The following SLC39A14 variants were observed in gnomAD, a reference collection of about 807,000 sequenced individuals.
SLC39A14 encodes the protein metal cation symporter ZIP14.
SLC39A14 carries 19 observed loss-of-function variants against 45.5 expected under a neutral mutation model. The observed-to-expected ratio is 0.42, with a 90% CI of 0.29 to 0.61. The LOEUF is 0.61. Ranked by LOEUF, SLC39A14 falls within the 20% of genes least tolerant of loss-of-function variation. The pLI is 0.22. For missense variants in SLC39A14, 447 were observed against 616.5 expected (o/e 0.73, Z 2.91); for synonymous variants, 264 against 251.3 (o/e 1.05, Z -0.48).
At chr8:22,402,215 A>C (rs1434405644) in intron 1 of SLC39A14, among the ~76,000 whole-genome samples, 1 of 152,052 alleles carries the variant, frequency 6.6e-6, no homozygotes, top group Non-Finnish European at 1.5e-5. Context: ...CCCCGTCTCT[A>C]CTAAAAATAC....
chr8:22,393,185 G>T lies in SLC39A14; in HGVS notation c.-15-11511G>T, dbSNP rs548584522. On this transcript the variant is annotated intron_variant, in intron 1 of 8. Transcript: ENST00000381237. The stretch of plus-strand genomic sequence containing the variant: ...CTTTGACTGTGCCAAGGCTTGAGGC[G>T]AAGGTCCTGGGAGCAGGAGCTGGAG... 4.1e-6 allele frequency: 4 copies of T among 985,678 alleles called. No homozygotes were observed. The East Asian group carries it at 3.4e-4, about 84-fold the overall frequency. 61.1% of individuals were successfully genotyped at this position (985,678 alleles called of 1,614,324 possible).
chr8:22,376,095 C>G (rs1331014213), intron 1 of SLC39A14, among the ~76,000 whole-genome samples: 1 of 152,152 alleles, frequency 6.6e-6, no homozygotes, highest in East Asian at 1.9e-4. Flanking sequence ...GGCAGTCTCT[C>G]CCTCTTTTCT....
At chr8:22,376,880 GAAA>G (rs955630510) in intron 1 of SLC39A14, among the ~76,000 whole-genome samples, 1 of 148,542 alleles carries the variant, frequency 6.7e-6, no homozygotes, top group African/African-American at 2.5e-5. Context: ...AATGTCTGGG[GAAA>G]AAAAAAATAC....
intron 1 of SLC39A14, among the ~76,000 whole-genome samples, chr8:22,396,242 A>G (rs1834374081): frequency 6.6e-6 from 1 of 151,438 alleles, no homozygotes. Context: ...TGGTGCATGC[A>G]TGTAATTCCA....
intron 3 of SLC39A14, among the ~76,000 whole-genome samples, chr8:22,410,483 G>A (rs889947775): frequency 2.9e-5 from 4 of 139,756 alleles, no homozygotes; most frequent in Non-Finnish European, 5.9e-5. Flanking sequence ...AATCCTGGCA[G>A]TACTCAGGTC....
intron 1 of SLC39A14, among the ~76,000 whole-genome samples, chr8:22,395,645 C>A (rs1016057539): frequency 4.6e-5 from 7 of 152,116 alleles, no homozygotes; most frequent in African/African-American, 1.7e-4. Flanking sequence ...TTTTAGTAAG[C>A]CTGCATCCTC....
rs1836179765 is a variant in SLC39A14, at chr8:22,420,763, C to T, written c.*1065C>T. 1.0e-6 allele frequency: 1 copy of T among 985,262 alleles called. No individual in the cohort carries two copies. Among genetic ancestry groups the T allele is most frequent in the African/African-American group, 1.7e-5 (1 of 57,202 alleles). 61.0% of individuals were successfully genotyped at this position (985,262 alleles called of 1,614,324 possible). On this transcript the variant is annotated 3_prime_UTR_variant, in exon 9 of 9. Transcript: ENST00000381237. ...GATTTGCCGCTTCCATAAATCAAAG[C>T]ATGACTAATAGGGGGTCTCTGAAAT...
rs555212054 is a variant in SLC39A14, at chr8:22,375,986, C to T, written c.-16+8578C>T. Reference sequence around the variant, plus strand: ...AACTAAACTGCAGGCCTTATTTAAACGTCACCAATATTTTCACTAATGTCC... The same window carrying T: ...AACTAAACTGCAGGCCTTATTTAAATGTCACCAATATTTTCACTAATGTCC... On this transcript the variant is annotated intron_variant, in intron 1 of 8. Transcript: ENST00000381237. Among the ~76,000 whole-genome samples the T allele has an allele frequency of 2.0e-5, 3 of 152,274 alleles. No individual in the cohort carries two copies. The South Asian group carries it at 6.2e-4, about 32-fold the overall frequency.
rs1224907957 is a variant in SLC39A14, at chr8:22,405,622, A to G, written c.270+642A>G. Among the ~76,000 whole-genome samples, 4 of 152,158 alleles carry G rather than the reference A, an allele frequency of 2.6e-5. No homozygotes were observed. The East Asian group carries it at 7.7e-4, about 29-fold the overall frequency. On this transcript the variant is annotated intron_variant, in intron 2 of 8. Coordinates refer to ENST00000381237, the MANE Select transcript of SLC39A14 (RefSeq NM_001128431.4). Reference sequence around the variant, plus strand: ...GAAATACTGAGAAAACACGGCTCCCAGGACGGTATTTCTCATAGAGTTTAC... The same window carrying G: ...GAAATACTGAGAAAACACGGCTCCCGGGACGGTATTTCTCATAGAGTTTAC...
At chr8:22,417,998 G>A (rs535317220) in intron 8 of SLC39A14, among the ~76,000 whole-genome samples, 163 bp downstream of exon 8, 1 of 152,026 alleles carries the variant, frequency 6.6e-6, no homozygotes, top group South Asian at 2.1e-4. Flanking sequence ...CGCGTCCCGG[G>A]TTCAAGTGAT....
At position 22,421,036 on chromosome 8, in the gene SLC39A14, C is replaced by T. The variant is rs909043545; in HGVS notation, c.*1338C>T. 2 of 985,750 alleles carry T rather than the reference C, an allele frequency of 2.0e-6. No individual in the cohort carries two copies. Among genetic ancestry groups the T allele is most frequent in the African/African-American group, 3.5e-5 (2 of 57,234 alleles). The allele number at this position is 985,750 out of a possible 1,614,324, so 61.1% of individuals were successfully genotyped here. A position where few individuals can be genotyped will look rare whatever the true frequency, so the allele number is the denominator to read the frequency against. On this transcript the variant is annotated 3_prime_UTR_variant, in exon 9 of 9. Coordinates refer to ENST00000381237, the MANE Select transcript of SLC39A14 (RefSeq NM_001128431.4). ...AGCCCTTGCCTCCGAGCTCTGGCTT[C>T]AAGGGGAGCTCTTCTCCAGGTTCAC... is the stretch of plus-strand genomic sequence containing the variant.
At chr8:22,409,909 G>C in intron 3 of SLC39A14, 8 of 1,611,548 alleles carry the variant, frequency 5.0e-6, no homozygotes, top group Non-Finnish European at 6.8e-6. Context: ...CCCACCCTCA[G>C]TAATAGAGGC....
chr8:22,419,471 T>TATA (rs1836095258), intron 8 of SLC39A14, 81 bp from the exon 9 acceptor site: 1 of 1,390,932 alleles, frequency 7.2e-7, no homozygotes, highest in South Asian at 1.3e-5. Flanking sequence ...CAACCTGATC[T>TATA]ATATCTCCAT....
At position 22,433,331 on chromosome 8, in the gene SLC39A14, A is replaced by G. The variant is rs143118263; in HGVS notation, c.1333-560A>G. 1.9e-3 allele frequency among the ~76,000 whole-genome samples: 296 copies of G among 152,114 alleles called. 1 individual carries two copies. Among genetic ancestry groups the G allele is most frequent in the Non-Finnish European group, 3.4e-3 (232 of 68,020 alleles). On this transcript the variant is annotated intron_variant, in intron 8 of 8. Coordinates refer to the SLC39A14 transcript ENST00000240095. ...TAATTCATACTTGTTGAATGAGTAT[A>G]TTAATATTTTCTTGAGGTCTTTTAT...
chr8:22,405,604 T>C (rs531850580), intron 2 of SLC39A14, among the ~76,000 whole-genome samples: 4 of 152,290 alleles, frequency 2.6e-5, no homozygotes, highest in African/African-American at 4.8e-5. Context: ...TCAGAAATAC[T>C]GAGAAAACAC....
chr8:22,415,835 G>A lies in SLC39A14; in HGVS notation c.817G>A (p.Val273Met), dbSNP rs1299449593. 1 of 1,613,772 alleles carries A rather than the reference G, an allele frequency of 6.2e-7. No individual in the cohort carries two copies. The highest frequency in any genetic ancestry group is 8.5e-7 in the Non-Finnish European group (1 of 1,179,916). Residue 273 changes from valine to methionine, a missense_variant, in exon 6 of 9, where the codon GTG (valine) becomes ATG (methionine). Val to Met is a conservative substitution (Grantham distance 21). This residue lies in a region of SLC39A14 where 342 missense variants were observed against 428.1 expected (regional missense o/e 0.80). Coordinates refer to ENST00000381237, the MANE Select transcript of SLC39A14 (RefSeq NM_001128431.4). The stretch of plus-strand genomic sequence containing the variant: ...CTCCAAGAAGGACCAGGAGGAGGGG[G>A]TGATGGAGAAGCTGCAGAACGGGGA... ...LPSKKDQEEG[V>M]MEKLQNGDLD...
Position 22,396,599 on chromosome 8 carries a change from A to T in SLC39A14, c.-15-8097A>T, listed in dbSNP as rs1485425335. On this transcript the variant is annotated intron_variant, in intron 1 of 8. Transcript: ENST00000381237. Reference sequence around the variant, plus strand: ...GAGAGAGAGAGAGAGAGAGAGAGAGAAGACTAAGTGGAATTTGGAATTGGA... The same window carrying T: ...GAGAGAGAGAGAGAGAGAGAGAGAGTAGACTAAGTGGAATTTGGAATTGGA... Among the ~76,000 whole-genome samples, 2 of 104,400 alleles carry T rather than the reference A, an allele frequency of 1.9e-5. 1 individual carries two copies. The highest frequency in any genetic ancestry group is 3.9e-5 in the Non-Finnish European group (2 of 51,228). 68.5% of individuals were successfully genotyped at this position (104,400 alleles called of 152,430 possible). A position where few individuals can be genotyped will look rare whatever the true frequency, so the allele number is the denominator to read the frequency against.
chr8:22,414,358 T>C (rs959756648), intron 4 of SLC39A14, among the ~76,000 whole-genome samples: 1 of 152,126 alleles, frequency 6.6e-6, no homozygotes, highest in Non-Finnish European at 1.5e-5. Context: ...AATTACACCA[T>C]CTCCCTTTGT....
chr8:22,394,821 C>A (rs1348226693), intron 1 of SLC39A14, among the ~76,000 whole-genome samples: 1 of 152,080 alleles, frequency 6.6e-6, no homozygotes, highest in African/African-American at 2.4e-5. Flanking sequence ...GTTGTCTTTA[C>A]CAAATTGTGT....
Sources: gnomAD v4.1 joint callset for allele counts (sites outside exome capture counted in the v4.1 genomes callset) on GRCh38, gnomAD v4.1.1 for gene constraint, gnomAD v4.1.1 regional missense constraint, MANE v1.5 for transcripts, NCBI Gene and HGNC (gene_info 2026-07-23, HGNC 2026-07-21) for gene names.